The following GIT2 variants were observed in gnomAD, a reference collection of about 807,000 sequenced individuals.
GIT2 encodes ARF GTPase-activating protein GIT2.
Under a neutral mutation model 100.3 loss-of-function variants are expected in GIT2, and 32 were observed. The observed-to-expected ratio is 0.32, with a 90% CI of 0.24 to 0.43. The LOEUF (loss-of-function observed/expected upper bound fraction) is 0.43. Among genes scored for constraint, GIT2 ranks in the 20% least tolerant of loss-of-function variants. GIT2 has a pLI of 1.00. For synonymous variants in GIT2, 353 were observed against 364.1 expected, an observed-to-expected ratio of 0.97 and a Z score of 0.35; for missense variants, 737 against 975.1, an observed-to-expected ratio of 0.76 and a Z score of 3.25.
At chr12:109,965,444 T>C (rs1378660665) in intron 9 of GIT2, 82 bp downstream of exon 9, 2 of 774,692 alleles carry the variant, frequency 2.6e-6, no homozygotes, top group Admixed American at 2.4e-5. Context: ...TCAGACGCAA[T>C]AGGTAACCTG....
upstream of GIT2, chr12:109,996,462 G>C: frequency 2.0e-6 from 1 of 505,374 alleles, no homozygotes; most frequent in Non-Finnish European, 3.5e-6. Flanking sequence ...GTGAGGGCAG[G>C]AGACTGCCCG....
chr12:109,961,884 A>C (rs1225435037), intron 9 of GIT2, among the ~76,000 whole-genome samples, 199 bp from the exon 10 acceptor site: 1 of 152,176 alleles, frequency 6.6e-6, no homozygotes, highest in Non-Finnish European at 1.5e-5. Context: ...CAGCAATTTC[A>C]CTACTTTATG....
intron 4 of GIT2, among the ~76,000 whole-genome samples, chr12:109,986,927 A>G (rs1171446689): frequency 6.6e-6 from 1 of 152,112 alleles, no homozygotes; most frequent in Non-Finnish European, 1.5e-5. Context: ...ATTGCACTAC[A>G]GCCTGGACTA....
At chr12:109,941,492 C>T (rs1874668169) in intron 16 of GIT2, among the ~76,000 whole-genome samples, 1 of 151,936 alleles carries the variant, frequency 6.6e-6, no homozygotes. Context: ...AAACCCAAAA[C>T]CCTTCTTATC....
At chr12:109,945,966 C>T (rs1011052647) in intron 15 of GIT2, among the ~76,000 whole-genome samples, 2 of 152,028 alleles carry the variant, frequency 1.3e-5, no homozygotes, top group African/African-American at 4.8e-5. Context: ...GAAACCCCGT[C>T]TCTACTAAAA....
rs866918359 is a variant in GIT2, at chr12:109,978,088, T to G, written c.718+2864A>C. ...ACCAAATTTAGAGGTTTTTTTTTTTTTTTTTTTTTTTTGAGACGGAGTTTC... is the reference window on the plus strand; with the variant it reads ...ACCAAATTTAGAGGTTTTTTTTTTTGTTTTTTTTTTTTGAGACGGAGTTTC... On this transcript the variant is annotated intron_variant, in intron 7 of 19. Coordinates refer to ENST00000355312, the MANE Select transcript of GIT2 (RefSeq NM_057169.5). Among the ~76,000 whole-genome samples the G allele has an allele frequency of 8.7e-3, 1,270 of 145,484 alleles. 25 individuals carry two copies. Among genetic ancestry groups the G allele is most frequent in the African/African-American group, 0.031 (1,203 of 39,304 alleles).
chr12:109,950,187 C>A (rs909126537), intron 14 of GIT2, among the ~76,000 whole-genome samples: 1 of 152,244 alleles, frequency 6.6e-6, no homozygotes, highest in Non-Finnish European at 1.5e-5. Context: ...AACAGAGGGG[C>A]ATGGGCCCCT....
chr12:109,952,736 G>C, intron 13 of GIT2: 1 of 466,196 alleles, frequency 2.1e-6, no homozygotes, highest in Non-Finnish European at 4.2e-6. Flanking sequence ...TGTGTGCTTC[G>C]TATGACACAC....
At chr12:109,998,303 C>T (rs568025727), upstream of GIT2, 1 of 152,338 alleles carries the variant, frequency 6.6e-6, no homozygotes, top group South Asian at 2.1e-4. Flanking sequence ...TAACAACTCA[C>T]AAATCTTCTG....
intron 7 of GIT2, among the ~76,000 whole-genome samples, chr12:109,972,881 G>T (rs1449695002): frequency 6.6e-6 from 1 of 151,942 alleles, no homozygotes; most frequent in Non-Finnish European, 1.5e-5. Flanking sequence ...AGAGTACAGT[G>T]GTGCGAACAC....
At chr12:109,946,685 G>A (rs1023048196) in intron 15 of GIT2, among the ~76,000 whole-genome samples, 2 of 152,112 alleles carry the variant, frequency 1.3e-5, no homozygotes, top group African/African-American at 4.8e-5. Flanking sequence ...ACGGTGGGAG[G>A]AGCAGGATGC....
rs765852777 is a variant in GIT2, at chr12:109,989,328, T to C, written c.300-260A>G. ...AATTGTCTGAACTGATTTAGCAACTTTGGGAGAAAGCAGCATTTAGTCCCA... is the reference window on the plus strand; with the variant it reads ...AATTGTCTGAACTGATTTAGCAACTCTGGGAGAAAGCAGCATTTAGTCCCA... On this transcript the variant is annotated intron_variant, in intron 3 of 19. Transcript: ENST00000355312. Among the ~76,000 whole-genome samples, 4 of 152,206 alleles carry C rather than the reference T, an allele frequency of 2.6e-5. 1 individual carries two copies. The South Asian group carries it at 6.2e-4, about 24-fold the overall frequency.
chr12:109,932,887 C>T lies in GIT2; in HGVS notation c.*91G>A. The stretch of plus-strand genomic sequence containing the variant: ...AGTTTTAAACCGTCATTAAATGTTT[C>T]TTTTTGTAGAAATCTGAAGAGTTCT... On this transcript the variant is annotated 3_prime_UTR_variant, in exon 20 of 20. Coordinates refer to ENST00000355312, the MANE Select transcript of GIT2 (RefSeq NM_057169.5). 1.3e-6 allele frequency: 1 copy of T among 761,656 alleles called. No homozygotes were observed. 47.2% of individuals were successfully genotyped at this position (761,656 alleles called of 1,614,324 possible).
At chr12:109,995,394 T>TACTGTAG (rs1889153429) in intron 1 of GIT2, among the ~76,000 whole-genome samples, 1 of 152,226 alleles carries the variant, frequency 6.6e-6, no homozygotes, top group Non-Finnish European at 1.5e-5. Flanking sequence ...ACAAGAGTTC[T>TACTGTAG]ACTGTAGACA....
At chr12:109,960,576 G>A (rs988315549) in intron 11 of GIT2, among the ~76,000 whole-genome samples, 4 of 151,884 alleles carry the variant, frequency 2.6e-5, no homozygotes, top group Non-Finnish European at 4.4e-5. Flanking sequence ...GCAAGACTCC[G>A]TCTCAAAAGA....
intron 7 of GIT2, among the ~76,000 whole-genome samples, chr12:109,969,178 T>TTC (rs1235478202): frequency 1.3e-5 from 2 of 148,982 alleles, no homozygotes; most frequent in Non-Finnish European, 3.0e-5. Context: ...TTTTTTTTTT[T>TTC]TTTTTTGAGA....
chr12:109,953,411 G>C, intron 12 of GIT2, 177 bp from the exon 13 acceptor site: 1 of 606,602 alleles, frequency 1.6e-6, no homozygotes, highest in Non-Finnish European at 2.9e-6. Flanking sequence ...TTGAGGCCAG[G>C]AGTTTGAGAC....
rs769645354 is a variant in GIT2, at chr12:109,983,605, T to C, written c.492+3A>G. 1 of 1,607,890 alleles carries C rather than the reference T, an allele frequency of 6.2e-7. No homozygotes were observed. The highest frequency in any genetic ancestry group is 1.7e-5 in the Admixed American group (1 of 59,908). The stretch of plus-strand genomic sequence containing the variant: ...ATATCTGAAGCAATTCATGTTTTCT[T>C]ACAGGATGAAAGAAGTTGGCTTGTG... On this transcript the variant is annotated splice_donor_region_variant and intron_variant, in intron 5 of 19. Transcript: ENST00000355312.
Position 109,983,422 on chromosome 12 carries a change from C to G in GIT2, c.574G>C (p.Asp192His). Residue 192 changes from aspartate (D) to histidine (H), a missense_variant, in exon 6 of 20, where the codon GAC becomes CAC. Coordinates refer to ENST00000355312, the MANE Select transcript of GIT2 (RefSeq NM_057169.5). ...CCACTAGAATCCTGTGTGCCTGGGT[C>G]TGCTCCATATACTGCCAATAATTCA... is the stretch of plus-strand genomic sequence containing the variant. ...QAELLAVYGA[D>H]PGTQDSSGKT... 1 of 1,613,778 alleles carries G rather than the reference C, an allele frequency of 6.2e-7. No individual in the cohort carries two copies. Among genetic ancestry groups the G allele is most frequent in the Admixed American group, 1.7e-5 (1 of 60,014 alleles).
Sources: allele counts gnomAD v4.1 joint callset (sites outside exome capture counted in the v4.1 genomes callset), GRCh38; gene constraint gnomAD v4.1.1; transcripts MANE v1.5; gene names NCBI Gene and HGNC (gene_info 2026-07-23, HGNC 2026-07-21).